The following CARMIL1 variants were observed in gnomAD, a reference collection of about 807,000 sequenced individuals.
CARMIL1 encodes the protein capping protein regulator and myosin 1 linker 1, also known as F-actin-uncapping protein LRRC16A.
CARMIL1 carries 90 observed loss-of-function variants against 177.1 expected under a neutral mutation model. The observed-to-expected ratio is 0.51, with a 90% CI of 0.43 to 0.61. The LOEUF is 0.61. CARMIL1 is among the 20% of genes least tolerant of loss of function. The pLI is 0.00. For missense variants in CARMIL1, 1,380 were observed against 1,667.0 expected (o/e 0.83, Z 3.00); for synonymous variants, 577 against 606.2 (o/e 0.95, Z 0.71).
chr6:25,459,254 CTTTCTTTCTTTCT>C (rs1186883313), intron 8 of CARMIL1, among the ~76,000 whole-genome samples: 3 of 110,208 alleles, frequency 2.7e-5, no homozygotes, highest in South Asian at 6.3e-4. Flanking sequence ...TTCTTTCTTT[CTTTCTTTCTTTCT>C]TTTTTTTTTT....
Position 25,513,724 on chromosome 6 carries a change from C to G in CARMIL1, c.1633-1951C>G, listed in dbSNP as rs570595593. 9.9e-5 allele frequency among the ~76,000 whole-genome samples: 15 copies of G among 152,250 alleles called. No homozygotes were observed. The East Asian group carries it at 2.7e-3, about 27-fold the overall frequency. ...ACCCCAGGCTGTGTGTGGGGGCTGT[C>G]GTGTAGACCACCCAGGCACACCTTG... On this transcript the variant is annotated intron_variant, in intron 20 of 36. Coordinates refer to ENST00000329474, the MANE Select transcript of CARMIL1 (RefSeq NM_017640.6).
chr6:25,478,981 C>T (rs1181539878), intron 11 of CARMIL1: 11 of 402,764 alleles, frequency 2.7e-5, no homozygotes, highest in Non-Finnish European at 4.9e-5. Flanking sequence ...CTTAGTGTTT[C>T]TGAACTCTCC....
At chr6:25,573,116 T>C (rs1812252778) in intron 29 of CARMIL1, among the ~76,000 whole-genome samples, 1 of 152,136 alleles carries the variant, frequency 6.6e-6, no homozygotes, top group Admixed American at 6.5e-5. Context: ...CAAGAGATGT[T>C]CATTTTGTCT....
chr6:25,326,693 C>T lies in CARMIL1; in HGVS notation c.138+41784C>T, dbSNP rs1161242371. Among the ~76,000 whole-genome samples, 1 of 152,132 alleles carries T rather than the reference C, an allele frequency of 6.6e-6. No homozygotes were observed. Among genetic ancestry groups the T allele is most frequent in the African/African-American group, 2.4e-5 (1 of 41,416 alleles). On this transcript the variant is annotated intron_variant, in intron 2 of 36. Transcript: ENST00000329474. This position sits in a 1 kb window ranked among gnomAD's most constrained non-coding sequence, Gnocchi z 4.2. ...TCTGATATACAGAAAAGTTTGAGAA[C>T]CACTGGTCTAGGGATTGCTGGAGGA... is the stretch of plus-strand genomic sequence containing the variant.
At chr6:25,416,076 G>C (rs1022949382) in intron 2 of CARMIL1, among the ~76,000 whole-genome samples, 2 of 152,110 alleles carry the variant, frequency 1.3e-5, no homozygotes, top group Non-Finnish European at 2.9e-5. Context: ...AGATAAGAGA[G>C]AAATTCAGAG....
chr6:25,583,179 G>C (rs1813287878), intron 31 of CARMIL1, among the ~76,000 whole-genome samples: 1 of 152,218 alleles, frequency 6.6e-6, no homozygotes, highest in Non-Finnish European at 1.5e-5. Context: ...AGTGCTCCCA[G>C]GTTATTACCA....
intron 29 of CARMIL1, among the ~76,000 whole-genome samples, chr6:25,573,673 A>G (rs551262261): frequency 6.6e-6 from 1 of 150,732 alleles, no homozygotes; most frequent in South Asian, 2.1e-4. Flanking sequence ...TATTTTTTTA[A>G]CTAACTGGCT....
chr6:25,343,231 A>G, intron 2 of CARMIL1, among the ~76,000 whole-genome samples: 1 of 152,058 alleles, frequency 6.6e-6, no homozygotes, highest in South Asian at 2.1e-4. Context: ...AATGCAGAAT[A>G]GGGATTAGAG....
chr6:25,581,195 A>G (rs1248955314), intron 30 of CARMIL1, 48 bp from the exon 31 acceptor site: 1 of 1,557,306 alleles, frequency 6.4e-7, no homozygotes, highest in Non-Finnish European at 8.7e-7. Context: ...TCTATGCATT[A>G]AGCTTTGGCC....
rs570017016 is a variant in CARMIL1 at position 25,520,276 on chromosome 6, T to C, written c.1907T>C (p.Met636Thr). ...ACATTAAGATTTATGCCAATTCCTA[T>C]GTATGATGCTTCTCAAGCCCTAAAA... is the stretch of plus-strand genomic sequence containing the variant. ...NYTLRFMPIP[M>T]YDASQALKTN... Residue 636 changes from methionine (M) to threonine (T), a missense_variant, in exon 23 of 37, where the codon ATG becomes ACG. Physicochemically the swap from Met to Thr is moderately conservative, Grantham distance 81 (BLOSUM62 -1). Transcript: ENST00000329474. 9 of 1,561,312 alleles carry C rather than the reference T, an allele frequency of 5.8e-6. No homozygotes were observed. In the East Asian group the frequency reaches 1.2e-4, roughly 20 times the overall value.
chr6:25,599,208 C>T (rs1815151199), intron 32 of CARMIL1, among the ~76,000 whole-genome samples: 1 of 152,206 alleles, frequency 6.6e-6, no homozygotes, highest in African/African-American at 2.4e-5. Flanking sequence ...CCTTCACTTC[C>T]ACTTGCAGAG....
In CARMIL1 at chr6:25,515,709, T is replaced by G; in HGVS notation, c.1667T>G (p.Leu556Arg). The change falls in exon 21 of 37, where the codon CTC becomes CGC. Residue 556 changes from leucine to arginine, a missense_variant. Leu to Arg is a moderately radical substitution (Grantham distance 102, BLOSUM62 -2). Transcript: ENST00000329474. The surrounding 1 kb of genome is among the most constrained non-coding windows in gnomAD (Gnocchi z 5.0). ...TCCTTGTCCCTGGCTGACTCGAAAC[T>G]CAAGACTGAGGTCACCATCATCATC... ...LQSLSLADSK[L>R]KTEVTIIINA... 6.2e-7 allele frequency: 1 copy of G among 1,608,638 alleles called. No homozygotes were observed. The highest frequency in any genetic ancestry group is 8.5e-7 in the Non-Finnish European group (1 of 1,177,810).
intron 32 of CARMIL1, among the ~76,000 whole-genome samples, chr6:25,599,499 C>T (rs1344722522): frequency 6.6e-6 from 1 of 152,222 alleles, no homozygotes; most frequent in East Asian, 1.9e-4. Flanking sequence ...GTGATACTTC[C>T]TACTTAGCTC....
chr6:25,490,107 G>C (rs1351446505), intron 13 of CARMIL1, among the ~76,000 whole-genome samples: 1 of 152,188 alleles, frequency 6.6e-6, no homozygotes, highest in Non-Finnish European at 1.5e-5. Context: ...GGAGGGGAGA[G>C]TGGGCGGGGA....
intron 2 of CARMIL1, among the ~76,000 whole-genome samples, chr6:25,320,103 T>C (rs1375335482): frequency 6.6e-6 from 1 of 152,182 alleles, no homozygotes; most frequent in Admixed American, 6.5e-5. Flanking sequence ...TGTGGTAGTT[T>C]ATGGCATTTT....
intron 31 of CARMIL1, among the ~76,000 whole-genome samples, chr6:25,584,261 G>C (rs2151261991): frequency 6.7e-6 from 1 of 150,308 alleles, no homozygotes; most frequent in Non-Finnish European, 1.5e-5. Flanking sequence ...GCTAATCTCG[G>C]AACTCCTAGC....
chr6:25,374,651 A>G (rs725698), intron 2 of CARMIL1, among the ~76,000 whole-genome samples: 3,108 of 152,116 alleles, frequency 0.02, 84 homozygotes, highest in African/African-American at 0.068. Flanking sequence ...TTGTGTTGCT[A>G]TTTCTTTTCT....
intron 23 of CARMIL1, among the ~76,000 whole-genome samples, chr6:25,527,286 G>A (rs536043441): frequency 6.6e-6 from 1 of 152,130 alleles, no homozygotes; most frequent in African/African-American, 2.4e-5. Context: ...ATACAGGCCT[G>A]GTATTAAAGT....
intron 2 of CARMIL1, among the ~76,000 whole-genome samples, chr6:25,312,963 C>T (rs1416454232): frequency 1.3e-5 from 2 of 148,748 alleles, no homozygotes; most frequent in Admixed American, 6.7e-5. Context: ...AGAGAAGAAA[C>T]CCTTGTTTCC....
Sources: allele counts gnomAD v4.1 joint callset (sites outside exome capture counted in the v4.1 genomes callset), GRCh38; gene constraint gnomAD v4.1.1; non-coding constraint Gnocchi (gnomAD v3.1); transcripts MANE v1.5; gene names NCBI Gene and HGNC (gene_info 2026-07-23, HGNC 2026-07-21).